SLC9A9: variants seen among roughly 807,000 people sequenced by gnomAD.
SLC9A9 encodes solute carrier family 9 member A9.
A neutral mutation model predicts 77.8 loss-of-function variants in SLC9A9; 62 were observed. The ratio of observed to expected loss-of-function variants is 0.80; its 90% CI spans 0.65 to 0.98. SLC9A9 has a LOEUF of 0.98. Among genes scored for constraint, SLC9A9 ranks in the 50% least tolerant of loss-of-function variants. The probability of loss-of-function intolerance (pLI) is 0.00; values close to 1 mark genes in which losing one functional copy is unlikely to be tolerated. For synonymous variants in SLC9A9, 320 were observed against 283.5 expected, an observed-to-expected ratio of 1.13 and a Z score of -1.29; for missense variants, 775 against 774.9, an observed-to-expected ratio of 1.00 and a Z score of 0.00.
At chr3:143,731,622 T>C (rs1284693885) in intron 4 of SLC9A9, among the ~76,000 whole-genome samples, 1 of 152,224 alleles carries the variant, frequency 6.6e-6, no homozygotes, top group African/African-American at 2.4e-5. Context: ...TGGTATTGAA[T>C]GTAGTGCCCC....
intron 13 of SLC9A9, 22 bp downstream of exon 13, chr3:143,382,038 T>C (rs765545191): frequency 3.7e-6 from 6 of 1,613,664 alleles, no homozygotes; most frequent in Admixed American, 1.7e-5. Flanking sequence ...CTATATAATG[T>C]GCATTGGTTT....
At chr3:143,356,988 A>G (rs1227644095) in intron 14 of SLC9A9, among the ~76,000 whole-genome samples, 1 of 152,166 alleles carries the variant, frequency 6.6e-6, no homozygotes, top group Non-Finnish European at 1.5e-5. Flanking sequence ...TGATGGCTGC[A>G]TTGCAGCCCA....
At chr3:143,598,028 AG>A (rs2037788053) in intron 6 of SLC9A9, among the ~76,000 whole-genome samples, 1 of 152,144 alleles carries the variant, frequency 6.6e-6, no homozygotes, top group African/African-American at 2.4e-5. Flanking sequence ...TGCAGACAAA[AG>A]GTTCTGTACC....
At chr3:143,509,032 A>G (rs1385139069) in intron 9 of SLC9A9, among the ~76,000 whole-genome samples, 2 of 152,206 alleles carry the variant, frequency 1.3e-5, no homozygotes, top group Non-Finnish European at 2.9e-5. Flanking sequence ...GTTAAAACTC[A>G]TTGTCATTAG....
intron 8 of SLC9A9, among the ~76,000 whole-genome samples, chr3:143,554,890 AG>A (rs1400819350): frequency 7.2e-5 from 11 of 152,232 alleles, no homozygotes; most frequent in African/African-American, 2.4e-4. Flanking sequence ...ATGAGCAGAC[AG>A]GTCTTCTCCA....
chr3:143,735,724 A>G (rs944637854), intron 4 of SLC9A9, among the ~76,000 whole-genome samples: 1 of 152,238 alleles, frequency 6.6e-6, no homozygotes, highest in African/African-American at 2.4e-5. Context: ...TAATTCAGTG[A>G]CTGGATAAAT....
chr3:143,758,188 C>G (rs1560065983), intron 4 of SLC9A9, among the ~76,000 whole-genome samples: 1 of 152,200 alleles, frequency 6.6e-6, no homozygotes, highest in Non-Finnish European at 1.5e-5. Context: ...ATAGCCCACA[C>G]TAACCCAAGG....
intron 13 of SLC9A9, among the ~76,000 whole-genome samples, chr3:143,367,468 A>C (rs2032942516): frequency 6.6e-6 from 1 of 152,224 alleles, no homozygotes; most frequent in African/African-American, 2.4e-5. Flanking sequence ...CCATTCGTTT[A>C]TTTCTCTGAA....
intron 14 of SLC9A9, among the ~76,000 whole-genome samples, chr3:143,307,911 T>C (rs2108434459): frequency 6.6e-6 from 1 of 152,320 alleles, no homozygotes; most frequent in South Asian, 2.1e-4. Flanking sequence ...CTTTCCTGAC[T>C]TTACCACTGA....
chr3:143,513,370 T>A (rs1051060152), intron 9 of SLC9A9, among the ~76,000 whole-genome samples: 5 of 152,210 alleles, frequency 3.3e-5, no homozygotes, highest in African/African-American at 1.2e-4. Context: ...AAACAACTCA[T>A]CTGTTCAAGT....
chr3:143,830,054 A>G (rs1312235010), intron 2 of SLC9A9, among the ~76,000 whole-genome samples: 1 of 152,226 alleles, frequency 6.6e-6, no homozygotes, highest in Non-Finnish European at 1.5e-5. Context: ...AATTCTCAGT[A>G]AGGAAGACAG....
chr3:143,508,433 G>C (rs2036063913), intron 9 of SLC9A9, among the ~76,000 whole-genome samples: 1 of 152,228 alleles, frequency 6.6e-6, no homozygotes, highest in South Asian at 2.1e-4. Flanking sequence ...AATCAAACCA[G>C]TATTCATTCA....
chr3:143,498,173 C>T (rs2035868543), intron 9 of SLC9A9, among the ~76,000 whole-genome samples: 1 of 152,132 alleles, frequency 6.6e-6, no homozygotes. Context: ...TTTTGTTTTG[C>T]ATTAAGGTCC....
At chr3:143,622,368 AG>A (rs2038232772) in intron 6 of SLC9A9, among the ~76,000 whole-genome samples, 1 of 152,192 alleles carries the variant, frequency 6.6e-6, no homozygotes, top group East Asian at 1.9e-4. Context: ...CCAGAGAGAA[AG>A]GTCGGGTTAC....
intron 4 of SLC9A9, among the ~76,000 whole-genome samples, chr3:143,748,147 A>C (rs961227970): frequency 6.6e-6 from 1 of 152,206 alleles, no homozygotes; most frequent in African/African-American, 2.4e-5. Flanking sequence ...TTATGAACAC[A>C]TATTTGTCAA....
intron 12 of SLC9A9, among the ~76,000 whole-genome samples, chr3:143,408,130 GT>G (rs1232918437): frequency 6.6e-6 from 1 of 152,182 alleles, no homozygotes; most frequent in Non-Finnish European, 1.5e-5. Context: ...GGGGCCCAAT[GT>G]TTATGCTTTC....
intron 12 of SLC9A9, among the ~76,000 whole-genome samples, chr3:143,388,971 G>T (rs186829218): frequency 6.6e-6 from 1 of 152,278 alleles, no homozygotes; most frequent in African/African-American, 2.4e-5. Context: ...GGGACTCCAG[G>T]CACGGCATGG....
At chr3:143,638,122 A>G (rs1021459940) in intron 6 of SLC9A9, among the ~76,000 whole-genome samples, 3 of 152,228 alleles carry the variant, frequency 2.0e-5, no homozygotes, top group Non-Finnish European at 4.4e-5. Context: ...AGTTCCATAA[A>G]AAGCAAAGTA....
intron 12 of SLC9A9, among the ~76,000 whole-genome samples, chr3:143,426,337 AC>A (rs1310014601): frequency 6.6e-6 from 1 of 152,184 alleles, no homozygotes; most frequent in Non-Finnish European, 1.5e-5. Flanking sequence ...ATTTTAATCA[AC>A]CCTTTTATAT....
Sources: allele counts gnomAD v4.1 joint callset (sites outside exome capture counted in the v4.1 genomes callset), GRCh38; gene constraint gnomAD v4.1.1; transcripts MANE v1.5; gene names NCBI Gene and HGNC (gene_info 2026-07-23, HGNC 2026-07-21).